Variants in CDC42BPB observed in about 807,000 individuals in gnomAD.
The protein encoded by CDC42BPB is CDC42 binding protein kinase beta.
CDC42BPB carries 37 observed loss-of-function variants against 214.9 expected under a neutral mutation model. The observed-to-expected ratio is 0.17, with a 90% CI of 0.13 to 0.23. CDC42BPB has a LOEUF of 0.23. Ranked by LOEUF, CDC42BPB falls within the 10% of genes least tolerant of loss-of-function variation. CDC42BPB has a pLI of 1.00. For synonymous variants in CDC42BPB, 931 were observed against 884.0 expected (o/e 1.05, Z -0.94); for missense variants, 1,694 against 2,227.0 (o/e 0.76, Z 4.82).
At chr14:103,039,044 A>G (rs889852097) in intron 1 of CDC42BPB, among the ~76,000 whole-genome samples, 1 of 152,188 alleles carries the variant, frequency 6.6e-6, no homozygotes, top group African/African-American at 2.4e-5. Context: ...GGACGAATTT[A>G]TAAAAAGACA....
At chr14:103,009,557 C>T (rs972600212) in intron 2 of CDC42BPB, among the ~76,000 whole-genome samples, 5 of 152,238 alleles carry the variant, frequency 3.3e-5, no homozygotes, top group African/African-American at 1.2e-4. Flanking sequence ...TTGAAACTCA[C>T]ACAAAACTGA....
chr14:103,045,086 C>T (rs1183514816), intron 1 of CDC42BPB, among the ~76,000 whole-genome samples: 2 of 151,672 alleles, frequency 1.3e-5, no homozygotes, highest in African/African-American at 4.8e-5. Context: ...ATAAATTCGG[C>T]TCACCAGTTT....
intron 23 of CDC42BPB, chr14:102,952,841 C>A (rs965484378): frequency 1.6e-6 from 1 of 624,760 alleles, no homozygotes; most frequent in East Asian, 1.4e-4. Context: ...GAGAGCACTG[C>A]TACCAAAAAG....
chr14:102,983,085 T>C (rs1159177180), intron 7 of CDC42BPB, among the ~76,000 whole-genome samples: 1 of 151,858 alleles, frequency 6.6e-6, no homozygotes, highest in East Asian at 1.9e-4. Context: ...ACATGATCAT[T>C]TACAGGGACT....
intron 19 of CDC42BPB, among the ~76,000 whole-genome samples, chr14:102,963,827 T>G (rs1893064726): frequency 6.6e-6 from 1 of 152,258 alleles, no homozygotes; most frequent in African/African-American, 2.4e-5. Flanking sequence ...CTATTACCAT[T>G]AATTTTTTAG....
chr14:102,939,481 A>G, intron 34 of CDC42BPB, 129 bp downstream of exon 34: 1 of 683,800 alleles, frequency 1.5e-6, no homozygotes, highest in Non-Finnish European at 2.6e-6. Flanking sequence ...GTGTGACAGG[A>G]GCGCCAGGTC....
chr14:102,966,425 G>A (rs768507133), intron 17 of CDC42BPB, 38 bp from the exon 18 acceptor site: 1 of 1,606,796 alleles, frequency 6.2e-7, no homozygotes, highest in East Asian at 2.2e-5. Context: ...CACGAAGCAT[G>A]GCTATCAGGG....
intron 1 of CDC42BPB, among the ~76,000 whole-genome samples, chr14:103,026,422 T>C (rs748103885): frequency 1.3e-5 from 2 of 151,974 alleles, no homozygotes; most frequent in African/African-American, 4.8e-5. Context: ...AAAAACCACA[T>C]GTAAATCTTT....
At chr14:103,026,217 G>A (rs902693175) in intron 1 of CDC42BPB, among the ~76,000 whole-genome samples, 5 of 151,918 alleles carry the variant, frequency 3.3e-5, no homozygotes, top group African/African-American at 1.2e-4. Flanking sequence ...CCAACATGGT[G>A]AAACCCCGTC....
intron 1 of CDC42BPB, among the ~76,000 whole-genome samples, chr14:103,020,683 C>T (rs900423475): frequency 6.6e-6 from 1 of 152,206 alleles, no homozygotes; most frequent in Admixed American, 6.5e-5. Context: ...AGAGAGAGCA[C>T]AGGGCGTGTG....
At chr14:102,970,875 A>G (rs1893442407) in intron 13 of CDC42BPB, among the ~76,000 whole-genome samples, 1 of 152,252 alleles carries the variant, frequency 6.6e-6, no homozygotes. Flanking sequence ...GCTAAAGAAC[A>G]AAGAGCCCTG....
intron 1 of CDC42BPB, among the ~76,000 whole-genome samples, chr14:103,031,994 T>A (rs902805075): frequency 1.3e-5 from 2 of 151,692 alleles, no homozygotes; most frequent in Admixed American, 6.6e-5. Flanking sequence ...ATTATTATTT[T>A]TTTTTTTTTA....
chr14:102,947,028 CA>C lies in CDC42BPB; in HGVS notation c.3532-345del, dbSNP rs35280288. The stretch of plus-strand genomic sequence containing the variant: ...AAATGTGTCCAGGAAAAGCAGATCT[CA>C]AAAACACTGGCCCAAATCATGCCTC... On this transcript the variant is annotated intron_variant, in intron 27 of 36. Coordinates refer to ENST00000361246, the MANE Select transcript of CDC42BPB (RefSeq NM_006035.4). Among the ~76,000 whole-genome samples, 22 of 152,332 alleles carry C rather than the reference CA, an allele frequency of 1.4e-4. 1 individual carries two copies. In the East Asian group the frequency reaches 4.0e-3, roughly 28 times the overall value.
chr14:103,037,467 T>A (rs534913411), intron 1 of CDC42BPB, among the ~76,000 whole-genome samples: 19 of 152,276 alleles, frequency 1.2e-4, no homozygotes, highest in African/African-American at 4.6e-4. Flanking sequence ...CTAATTTTTG[T>A]ATAATTTGTA....
rs767836162 is a variant in CDC42BPB, at chr14:102,968,216, A to T, written c.2346+37T>A. 5.4e-6 allele frequency: 8 copies of T among 1,492,224 alleles called. No individual in the cohort carries two copies. In the South Asian group the frequency reaches 5.8e-5, roughly 11 times the overall value. The allele number at this position is 1,492,224 out of a possible 1,614,324, so 92.4% of individuals were successfully genotyped here. Reference sequence around the variant, plus strand: ...AATTTTTTTTTAAATTACAACTTCCACACAAAGTGCTAACTCAGGTACTTT... The same window carrying T: ...AATTTTTTTTTAAATTACAACTTCCTCACAAAGTGCTAACTCAGGTACTTT... On this transcript the variant is annotated intron_variant, in intron 16 of 36. Transcript: ENST00000361246.
intron 3 of CDC42BPB, among the ~76,000 whole-genome samples, chr14:103,007,223 C>T (rs939499230): frequency 8.5e-5 from 13 of 152,148 alleles, no homozygotes; most frequent in Non-Finnish European, 1.8e-4. Context: ...AACCAACACG[C>T]GTTCAGTGAG....
chr14:103,033,023 T>C (rs923653545), intron 1 of CDC42BPB, among the ~76,000 whole-genome samples: 7 of 152,188 alleles, frequency 4.6e-5, no homozygotes, highest in African/African-American at 7.2e-5. Context: ...ATTATGGCTA[T>C]GTTTTTAAAG....
chr14:102,947,547 C>A lies in CDC42BPB; in HGVS notation c.3531+174G>T, dbSNP rs564003405. Among the ~76,000 whole-genome samples the A allele has an allele frequency of 5.3e-5, 8 of 152,236 alleles. No individual in the cohort carries two copies. The East Asian group carries it at 1.4e-3, about 26-fold the overall frequency. ...CAGCCAGGAGGCTCCCCGAGACGGGCACAGGCTGCTACTTGGCCAGGACGG... is the reference window on the plus strand; with the variant it reads ...CAGCCAGGAGGCTCCCCGAGACGGGAACAGGCTGCTACTTGGCCAGGACGG... On this transcript the variant is annotated intron_variant, in intron 27 of 36. Coordinates refer to ENST00000361246, the MANE Select transcript of CDC42BPB (RefSeq NM_006035.4).
rs745735947 is a variant in CDC42BPB at position 102,999,548 on chromosome 14, T to C, written c.596+17A>G. Reference sequence around the variant, plus strand: ...AATTAAACGTGGTTTCCATAAAATATATCAGAAGCCGGTTACCTGTGCACG... The same window carrying C: ...AATTAAACGTGGTTTCCATAAAATACATCAGAAGCCGGTTACCTGTGCACG... On this transcript the variant is annotated intron_variant, in intron 5 of 36. Coordinates refer to ENST00000361246, the MANE Select transcript of CDC42BPB (RefSeq NM_006035.4). The C allele has an allele frequency of 2.5e-6, 4 of 1,612,698 alleles. No homozygotes were observed. The African/African-American group carries it at 4.0e-5, about 16-fold the overall frequency.
Sources: gnomAD v4.1 joint callset for allele counts (sites outside exome capture counted in the v4.1 genomes callset) on GRCh38, gnomAD v4.1.1 for gene constraint, MANE v1.5 for transcripts, NCBI Gene and HGNC (gene_info 2026-07-23, HGNC 2026-07-21) for gene names.